Variants in SEMA6D observed in about 807,000 individuals in gnomAD.
The protein encoded by SEMA6D is semaphorin-6D.
A neutral mutation model predicts 106.6 loss-of-function variants in SEMA6D; 35 were observed. The ratio of observed to expected loss-of-function variants is 0.33; its 90% CI spans 0.25 to 0.44. The LOEUF is 0.44. Among genes scored for constraint, SEMA6D ranks in the 20% least tolerant of loss-of-function variants. The probability of loss-of-function intolerance (pLI) is 1.00; values close to 1 mark genes in which losing one functional copy is unlikely to be tolerated. For missense variants in SEMA6D, 1,185 were observed against 1,345.9 expected (o/e 0.88, Z 1.87); for synonymous variants, 499 against 487.7 (o/e 1.02, Z -0.31).
chr15:47,278,313 T>C (rs2034936728), intron 1 of SEMA6D, among the ~76,000 whole-genome samples: 1 of 152,182 alleles, frequency 6.6e-6, no homozygotes, highest in Non-Finnish European at 1.5e-5. Context: ...TTCTAACTGG[T>C]GTGAGATGGT....
At chr15:47,568,167 CAA>C (rs1255184251) in intron 3 of SEMA6D, among the ~76,000 whole-genome samples, 3 of 88,718 alleles carry the variant, frequency 3.4e-5, no homozygotes, top group African/African-American at 4.5e-5. Context: ...TTATGCTCAT[CAA>C]AAAAAAAAAC....
chr15:47,447,094 A>G (rs1364788396), intron 2 of SEMA6D, among the ~76,000 whole-genome samples: 2 of 152,040 alleles, frequency 1.3e-5, no homozygotes, highest in South Asian at 2.1e-4. Flanking sequence ...TGCCTCATTC[A>G]TGGGCACGTG....
At chr15:47,293,997 C>G (rs2035699195) in intron 1 of SEMA6D, among the ~76,000 whole-genome samples, 1 of 152,072 alleles carries the variant, frequency 6.6e-6, no homozygotes, top group South Asian at 2.1e-4. Context: ...GCTTGCCGGC[C>G]AAATGCAGAG....
At chr15:47,453,125 A>G (rs1380310766) in intron 2 of SEMA6D, among the ~76,000 whole-genome samples, 1 of 151,978 alleles carries the variant, frequency 6.6e-6, no homozygotes, top group African/African-American at 2.4e-5. Context: ...TGCTTTCTCA[A>G]CTTTGTTCAG....
intron 4 of SEMA6D, among the ~76,000 whole-genome samples, chr15:47,677,538 G>A (rs1349162858): frequency 6.6e-6 from 1 of 152,210 alleles, no homozygotes; most frequent in Non-Finnish European, 1.5e-5. Context: ...AGAGAAGCAT[G>A]TGGAATGGGA....
At chr15:47,653,825 G>T (rs772187001) in intron 4 of SEMA6D, among the ~76,000 whole-genome samples, 1 of 152,188 alleles carries the variant, frequency 6.6e-6, no homozygotes, top group Non-Finnish European at 1.5e-5. Flanking sequence ...TCATATCCAC[G>T]AATGAACGAA....
At chr15:47,755,956 A>G (rs77014408) in intron 1 of SEMA6D, among the ~76,000 whole-genome samples, 4,704 of 151,590 alleles carry the variant, frequency 0.031, 255 homozygotes, top group African/African-American at 0.11. Flanking sequence ...AGCTCCATGT[A>G]CCTCCCTTCT....
chr15:47,260,478 A>G (rs1394908223), intron 1 of SEMA6D, among the ~76,000 whole-genome samples: 1 of 152,086 alleles, frequency 6.6e-6, no homozygotes, highest in Non-Finnish European at 1.5e-5. Context: ...CCACTGATCC[A>G]TGCTAGTACT....
At chr15:47,718,575 C>T (rs2079227824) in intron 1 of SEMA6D, 1 of 152,382 alleles carries the variant, frequency 6.6e-6, no homozygotes, top group African/African-American at 2.4e-5. Context: ...ACCGGCCACC[C>T]CACCGCCCAC....
intron 1 of SEMA6D, among the ~76,000 whole-genome samples, chr15:47,746,366 C>T (rs2081131432): frequency 6.6e-6 from 1 of 152,194 alleles, no homozygotes; most frequent in Non-Finnish European, 1.5e-5. Context: ...TCTGTTGTGA[C>T]ATCTGGGTTC....
rs541574382 is a variant in SEMA6D, at chr15:47,696,973, AATC to A, written c.-54-62762_-54-62760del. Among the ~76,000 whole-genome samples the A allele has an allele frequency of 3.7e-4, 56 of 152,304 alleles. 1 individual carries two copies. The South Asian group carries it at 9.5e-3, about 26-fold the overall frequency. On this transcript the variant is annotated intron_variant, in intron 4 of 19. Transcript: ENST00000558014. ...TTGCGGTTGTTGTCATCTTCATTAT[AATC>A]ATCATCATCTTTTAAGTCCTACCTA... is the stretch of plus-strand genomic sequence containing the variant.
chr15:47,616,813 C>T (rs545752371), intron 4 of SEMA6D, among the ~76,000 whole-genome samples: 61 of 152,306 alleles, frequency 4.0e-4, no homozygotes, highest in African/African-American at 1.5e-3. Flanking sequence ...TACTCTCTTT[C>T]TCCTTTATGG....
At chr15:47,192,739 G>C (rs1210525624) in intron 1 of SEMA6D, among the ~76,000 whole-genome samples, 1 of 152,154 alleles carries the variant, frequency 6.6e-6, no homozygotes. Flanking sequence ...ATCAGATATT[G>C]AAATGGAAAT....
intron 1 of SEMA6D, among the ~76,000 whole-genome samples, chr15:47,208,976 T>G (rs1895299015): frequency 6.6e-6 from 1 of 152,182 alleles, no homozygotes; most frequent in Middle Eastern, 3.2e-3. Context: ...GGAGTCCAGT[T>G]TCAGGATGTC....
upstream of SEMA6D, among the ~76,000 whole-genome samples, chr15:47,713,836 C>T (rs1471105893): frequency 6.6e-6 from 1 of 152,070 alleles, no homozygotes; most frequent in African/African-American, 2.4e-5. Context: ...TATTGCAAAC[C>T]TATTGTGTAG....
intron 13 of SEMA6D, chr15:47,765,625 T>C (rs757760188): frequency 7.4e-6 from 4 of 539,702 alleles, no homozygotes; most frequent in Non-Finnish European, 1.1e-5. Flanking sequence ...CCTTCGCAAA[T>C]GCAATTCACT....
At chr15:47,343,611 A>G (rs1280561240) in intron 1 of SEMA6D, among the ~76,000 whole-genome samples, 2 of 152,074 alleles carry the variant, frequency 1.3e-5, no homozygotes, top group Non-Finnish European at 2.9e-5. Context: ...GCTGCCTAGT[A>G]TTCCATGGTG....
chr15:47,251,001 A>G (rs2141925044), intron 1 of SEMA6D, among the ~76,000 whole-genome samples: 1 of 152,326 alleles, frequency 6.6e-6, no homozygotes, highest in Middle Eastern at 3.4e-3. Context: ...TTTGCTTTTT[A>G]TTTTCCATCT....
chr15:47,517,446 A>G (rs911010054), intron 3 of SEMA6D, among the ~76,000 whole-genome samples: 6 of 152,236 alleles, frequency 3.9e-5, no homozygotes, highest in Admixed American at 3.9e-4. Flanking sequence ...TGCGTTCATT[A>G]CACATCTATA....
Sources: gnomAD v4.1 joint callset for allele counts (sites outside exome capture counted in the v4.1 genomes callset) on GRCh38, gnomAD v4.1.1 for gene constraint, MANE v1.5 for transcripts, NCBI Gene and HGNC (gene_info 2026-07-23, HGNC 2026-07-21) for gene names.